Variants in PLEKHH2 observed in about 807,000 individuals in gnomAD.
PLEKHH2 encodes the protein pleckstrin homology, MyTH4 and FERM domain containing H2, also known as pleckstrin homology domain-containing family H member 2.
In PLEKHH2, 129 loss-of-function variants were observed where a neutral mutation model predicts 187.9. The ratio of observed to expected loss-of-function variants is 0.69; its 90% CI spans 0.59 to 0.79. The LOEUF (loss-of-function observed/expected upper bound fraction) is 0.79. PLEKHH2 is among the 30% of genes least tolerant of loss of function. PLEKHH2 has a pLI of 0.00. For missense variants in PLEKHH2, 2,076 were observed against 1,751.2 expected (o/e 1.19, Z -3.31); for synonymous variants, 686 against 605.6 (o/e 1.13, Z -1.95).
At chr2:43,648,559 T>TTGTG (rs1379604018) in intron 2 of PLEKHH2, among the ~76,000 whole-genome samples, 12 of 77,286 alleles carry the variant, frequency 1.6e-4, no homozygotes, top group South Asian at 1.0e-3. Context: ...GTAATTACAT[T>TTGTG]CGTGTGTGTG....
At chr2:43,756,719 A>G (rs978482772) in intron 25 of PLEKHH2, among the ~76,000 whole-genome samples, 2 of 152,192 alleles carry the variant, frequency 1.3e-5, no homozygotes, top group Admixed American at 6.5e-5. Context: ...AGGCCAAGGT[A>G]GGCGGATCAC....
In PLEKHH2 at chr2:43,743,832, A is replaced by T; in HGVS notation, c.3400-2A>T. ...GAGAACTGCTTTGTTATTTCTGTCT[A>T]GGTAGTTGGTTTTGACGCATCTACC... is the stretch of plus-strand genomic sequence containing the variant. On this transcript the variant is annotated splice_acceptor_variant, in intron 22 of 29. Transcript: ENST00000282406. LOFTEE classifies it high-confidence loss of function. 3 of 1,611,122 alleles carry T rather than the reference A, an allele frequency of 1.9e-6. No individual in the cohort carries two copies. The highest frequency in any genetic ancestry group is 2.2e-5 in the South Asian group (2 of 90,788).
At chr2:43,714,805 A>G (rs976555) in intron 15 of PLEKHH2, among the ~76,000 whole-genome samples, 95,201 of 152,054 alleles carry the variant, frequency 0.63, 31,492 homozygotes, top group African/African-American at 0.83. Flanking sequence ...ATAATCTATT[A>G]AAAAAGAGGG....
intron 29 of PLEKHH2, among the ~76,000 whole-genome samples, chr2:43,764,789 T>G (rs1672560921): frequency 6.6e-6 from 1 of 152,218 alleles, no homozygotes. Context: ...ATTTTATAAT[T>G]AAAACATACT....
intron 3 of PLEKHH2, among the ~76,000 whole-genome samples, chr2:43,684,412 G>A (rs776858424): frequency 6.6e-5 from 10 of 152,054 alleles, no homozygotes; most frequent in Admixed American, 1.3e-4. Context: ...AAAAATTGAG[G>A]ATGGTTTTGT....
chr2:43,748,338 A>C (rs1163131940), intron 24 of PLEKHH2, among the ~76,000 whole-genome samples: 1 of 152,232 alleles, frequency 6.6e-6, no homozygotes, highest in Admixed American at 6.5e-5. Context: ...TCATCCCTGG[A>C]GGGACCTGTT....
rs1672613388 is a variant in PLEKHH2 at position 43,766,135 on chromosome 2, C to T, written c.*537C>T. ...GTACATTTTCAGAGCAGGTGCAGTACATCTTCCGGCTCTATGAATCATTAT... is the reference window on the plus strand; with the variant it reads ...GTACATTTTCAGAGCAGGTGCAGTATATCTTCCGGCTCTATGAATCATTAT... On this transcript the variant is annotated 3_prime_UTR_variant, in exon 30 of 30. Transcript: ENST00000282406. 6.5e-6 allele frequency: 1 copy of T among 152,848 alleles called. No homozygotes were observed. The highest frequency in any genetic ancestry group is 1.5e-5 in the Non-Finnish European group (1 of 68,272). The allele number at this position is 152,848 out of a possible 1,614,324, so 9.5% of individuals were successfully genotyped here.
intron 3 of PLEKHH2, among the ~76,000 whole-genome samples, chr2:43,690,271 C>T (rs755048804): frequency 6.6e-6 from 1 of 152,130 alleles, no homozygotes; most frequent in Non-Finnish European, 1.5e-5. Context: ...TGCAGAAAGC[C>T]CACTATATTT....
At position 43,678,148 on chromosome 2, in the gene PLEKHH2, G is replaced by A. The variant is rs1008018253; in HGVS notation, c.124-715G>A. Among the ~76,000 whole-genome samples the A allele has an allele frequency of 1.7e-4, 25 of 151,398 alleles. No homozygotes were observed. The Middle Eastern group carries it at 0.014, about 83-fold the overall frequency. On this transcript the variant is annotated intron_variant, in intron 2 of 29. Transcript: ENST00000282406. ...CAGAGGCGCTCCCCACATCTCAGAA[G>A]ATGGGTGGCCGGGCAGAGAGGCTCC...
At chr2:43,692,773 T>C in intron 4 of PLEKHH2, 110 bp downstream of exon 4, 1 of 1,206,030 alleles carries the variant, frequency 8.3e-7, no homozygotes, top group Non-Finnish European at 1.2e-6. Context: ...AAATATTGCT[T>C]ATTCGGTCAA....
At chr2:43,673,706 A>T (rs1245497464) in intron 2 of PLEKHH2, among the ~76,000 whole-genome samples, 1 of 152,214 alleles carries the variant, frequency 6.6e-6, no homozygotes, top group Middle Eastern at 3.2e-3. Flanking sequence ...AAATGCTGTG[A>T]AATAAGTGTT....
At chr2:43,756,548 C>T (rs1486917573) in intron 25 of PLEKHH2, among the ~76,000 whole-genome samples, 2 of 152,132 alleles carry the variant, frequency 1.3e-5, no homozygotes, top group African/African-American at 4.8e-5. Flanking sequence ...CAGACAATAA[C>T]AAAGTAGTGA....
chr2:43,717,686 G>A (rs904936864), intron 15 of PLEKHH2, among the ~76,000 whole-genome samples: 4 of 152,162 alleles, frequency 2.6e-5, no homozygotes, highest in African/African-American at 9.7e-5. Context: ...GCAAGGATGG[G>A]AACAAGACTG....
intron 2 of PLEKHH2, among the ~76,000 whole-genome samples, chr2:43,655,569 A>G (rs983673626): frequency 1.3e-5 from 2 of 152,214 alleles, no homozygotes; most frequent in African/African-American, 4.8e-5. Flanking sequence ...GTGTAAATCC[A>G]TTAGAAACCA....
intron 15 of PLEKHH2, among the ~76,000 whole-genome samples, chr2:43,715,324 C>G (rs1406351640): frequency 6.6e-6 from 1 of 151,994 alleles, no homozygotes; most frequent in Non-Finnish European, 1.5e-5. Flanking sequence ...GCCAGCTGCA[C>G]TAGGAACAAG....
chr2:43,668,956 G>A (rs1433995556), intron 2 of PLEKHH2, among the ~76,000 whole-genome samples: 1 of 152,192 alleles, frequency 6.6e-6, no homozygotes, highest in African/African-American at 2.4e-5. Context: ...GGTGGTAACT[G>A]CTCTCTAACT....
intron 27 of PLEKHH2, among the ~76,000 whole-genome samples, chr2:43,759,453 T>A (rs2104625640): frequency 6.6e-6 from 1 of 152,330 alleles, no homozygotes; most frequent in Admixed American, 6.5e-5. Context: ...TTTTACTTTG[T>A]AACAACAGGC....
At chr2:43,680,981 A>G (rs950308200) in intron 3 of PLEKHH2, 9 of 1,161,636 alleles carry the variant, frequency 7.7e-6, no homozygotes, top group Non-Finnish European at 9.5e-6. Flanking sequence ...AGTTTCCGTT[A>G]CTGTTGTTCA....
At chr2:43,686,856 A>T (rs1668541177) in intron 3 of PLEKHH2, among the ~76,000 whole-genome samples, 1 of 152,228 alleles carries the variant, frequency 6.6e-6, no homozygotes, top group Non-Finnish European at 1.5e-5. Context: ...TTTTATAAAC[A>T]TATGGCCTTC....
Sources: allele counts gnomAD v4.1 joint callset (sites outside exome capture counted in the v4.1 genomes callset), GRCh38; gene constraint gnomAD v4.1.1; transcripts MANE v1.5; gene names NCBI Gene and HGNC (gene_info 2026-07-23, HGNC 2026-07-21).